LARGE1: variants seen among roughly 807,000 people sequenced by gnomAD.
LARGE1 encodes the protein xylosyl- and glucuronyltransferase LARGE1.
Under a neutral mutation model 87.6 loss-of-function variants are expected in LARGE1, and 43 were observed. The ratio of observed to expected loss-of-function variants is 0.49; its 90% confidence interval spans 0.38 to 0.63. The LOEUF is 0.63. LARGE1 is among the 30% of genes least tolerant of loss of function. LARGE1 has a pLI of 0.00. For synonymous variants in LARGE1, 434 were observed against 394.6 expected (o/e 1.10, Z -1.18); for missense variants, 802 against 1,000.2 (o/e 0.80, Z 2.67).
intron 9 of LARGE1, among the ~76,000 whole-genome samples, chr22:33,354,293 C>T (rs912112035): frequency 1.3e-5 from 2 of 152,082 alleles, no homozygotes; most frequent in South Asian, 2.1e-4. Context: ...CTATCAAAGC[C>T]CTCATTTCTA....
At chr22:33,699,995 G>A (rs959469955) in intron 2 of LARGE1, among the ~76,000 whole-genome samples, 2 of 152,204 alleles carry the variant, frequency 1.3e-5, no homozygotes, top group East Asian at 1.9e-4. Flanking sequence ...TGCAGGTTCC[G>A]ATGCAACCAC....
chr22:33,096,148 G>T, the LARGE1 span, among the ~76,000 whole-genome samples: 1 of 152,136 alleles, frequency 6.6e-6, no homozygotes, highest in Non-Finnish European at 1.5e-5. Context: ...AGGCGCGGTG[G>T]CTCATGCCTG....
At chr22:33,445,712 G>A (rs2067660896) in intron 6 of LARGE1, among the ~76,000 whole-genome samples, 1 of 150,804 alleles carries the variant, frequency 6.6e-6, no homozygotes, top group Non-Finnish European at 1.5e-5. Context: ...CACAATGGCG[G>A]GATCTCGGCT....
intron 7 of LARGE1, among the ~76,000 whole-genome samples, chr22:33,428,758 TAA>T (rs763068404): frequency 0.012 from 1,129 of 95,264 alleles, 21 homozygotes; most frequent in African/African-American, 0.042. Flanking sequence ...CCGTCACTAC[TAA>T]AAAAAAAAAA....
chr22:33,897,214 G>C (rs1310550253), intron 1 of LARGE1, among the ~76,000 whole-genome samples: 3 of 152,108 alleles, frequency 2.0e-5, no homozygotes, highest in Non-Finnish European at 4.4e-5. Context: ...ACCCTTCTTT[G>C]CAAAGCAGCT....
chr22:33,584,165 A>G (rs1394875126), intron 5 of LARGE1, among the ~76,000 whole-genome samples: 1 of 152,248 alleles, frequency 6.6e-6, no homozygotes, highest in Non-Finnish European at 1.5e-5. Flanking sequence ...AGCTAAGCTG[A>G]GCAGATAAAA....
intron 1 of LARGE1, chr22:33,873,197 G>C (rs145583699): frequency 5.9e-5 from 9 of 152,384 alleles, no homozygotes; most frequent in African/African-American, 1.4e-4. Context: ...ATCCGGCCCC[G>C]ATAGAGCACA....
At chr22:33,590,145 A>G (rs896003127) in intron 5 of LARGE1, among the ~76,000 whole-genome samples, 3 of 152,328 alleles carry the variant, frequency 2.0e-5, no homozygotes, top group Non-Finnish European at 2.9e-5. Context: ...TGTGCTTAGT[A>G]TATCTGGAAG....
intron 11 of LARGE1, among the ~76,000 whole-genome samples, chr22:33,186,912 A>G (rs1025893829): frequency 1.3e-5 from 2 of 152,162 alleles, no homozygotes; most frequent in African/African-American, 4.8e-5. Flanking sequence ...TTATGTATCT[A>G]TATATTTTCT....
At chr22:33,818,350 C>A (rs1200152164) in intron 1 of LARGE1, among the ~76,000 whole-genome samples, 1 of 152,200 alleles carries the variant, frequency 6.6e-6, no homozygotes, top group African/African-American at 2.4e-5. Context: ...ACCCTATCAA[C>A]TCACTCAGGG....
rs536364060 is a variant in LARGE1 at position 33,829,926 on chromosome 22, G to T, written c.-82-68368C>A. ...ACCACCATTCCCTACAAGGGTGAAG[G>T]CAGGAGGCAGACCAGGCCCCTGCTT... On this transcript the variant is annotated intron_variant, in intron 1 of 14. Coordinates refer to ENST00000397394, the MANE Select transcript of LARGE1 (RefSeq NM_133642.5). Among the ~76,000 whole-genome samples the T allele has an allele frequency of 2.6e-5, 4 of 152,276 alleles. No homozygotes were observed. The East Asian group carries it at 7.7e-4, about 29-fold the overall frequency.
chr22:33,747,453 C>G (rs2084131421), intron 2 of LARGE1, among the ~76,000 whole-genome samples: 1 of 152,152 alleles, frequency 6.6e-6, no homozygotes, highest in Non-Finnish European at 1.5e-5. Context: ...GCCTGAAACT[C>G]TTTTCCTTCC....
In LARGE1 at chr22:33,753,963, G is replaced by C. The variant is rs376184593; in HGVS notation, c.106+7408C>G. Reference sequence around the variant, plus strand: ...TGTAATCCCAGCTACTCAGGAGGCTGAGACAGGAGAATTGCTTGAACCTGG... The same window carrying C: ...TGTAATCCCAGCTACTCAGGAGGCTCAGACAGGAGAATTGCTTGAACCTGG... On this transcript the variant is annotated intron_variant, in intron 2 of 14. Transcript: ENST00000397394. Among the ~76,000 whole-genome samples, 13 of 152,202 alleles carry C rather than the reference G, an allele frequency of 8.5e-5. No homozygotes were observed. In the South Asian group the frequency reaches 1.2e-3, roughly 15 times the overall value.
chr22:33,208,500 G>A (rs1924795674), intron 11 of LARGE1, among the ~76,000 whole-genome samples: 1 of 152,170 alleles, frequency 6.6e-6, no homozygotes, highest in Non-Finnish European at 1.5e-5. Context: ...GTAGCCATTG[G>A]AGGTCTATGA....
At chr22:33,116,546 G>A in the LARGE1 span, among the ~76,000 whole-genome samples, 1 of 147,280 alleles carries the variant, frequency 6.8e-6, no homozygotes, top group Non-Finnish European at 1.5e-5. Flanking sequence ...TTTTTTTTTA[G>A]TAGAGACGGG....
chr22:33,066,741 C>T, the LARGE1 span, among the ~76,000 whole-genome samples: 1 of 152,180 alleles, frequency 6.6e-6, no homozygotes, highest in Non-Finnish European at 1.5e-5. Context: ...CCATTCGGCT[C>T]AGCTATTCTA....
intron 2 of LARGE1, among the ~76,000 whole-genome samples, chr22:33,706,701 T>C (rs892554980): frequency 6.6e-6 from 1 of 152,230 alleles, no homozygotes; most frequent in Non-Finnish European, 1.5e-5. Context: ...CCTCAGATCA[T>C]TTGCATAGCT....
intron 10 of LARGE1, among the ~76,000 whole-genome samples, chr22:33,335,332 G>C (rs1397669279): frequency 6.6e-6 from 1 of 152,178 alleles, no homozygotes; most frequent in African/African-American, 2.4e-5. Flanking sequence ...TAGATGCGAA[G>C]GAGGGCAGAT....
chr22:33,079,167 G>A, the LARGE1 span, among the ~76,000 whole-genome samples: 1 of 150,812 alleles, frequency 6.6e-6, no homozygotes, highest in African/African-American at 2.4e-5. Context: ...GGTACATAAA[G>A]CGCTTAGAGG....
Sources: allele counts gnomAD v4.1 joint callset (sites outside exome capture counted in the v4.1 genomes callset), GRCh38; gene constraint gnomAD v4.1.1; transcripts MANE v1.5; gene names NCBI Gene and HGNC (gene_info 2026-07-23, HGNC 2026-07-21).